The following MCUB variants were observed in gnomAD, a reference collection of about 807,000 sequenced individuals.
MCUB encodes calcium uniporter regulatory subunit MCUb, mitochondrial.
Under a neutral mutation model 41.4 loss-of-function variants are expected in MCUB, and 46 were observed. That is an observed-to-expected ratio of 1.11 (90% CI 0.88 to 1.42). MCUB has a LOEUF of 1.42. Ranked by LOEUF, MCUB falls within the 40% of genes most tolerant of loss-of-function variation. The pLI is 0.00. For synonymous variants in MCUB, 148 were observed against 148.2 expected, an observed-to-expected ratio of 1.00 and a Z score of 0.01; for missense variants, 403 against 404.9, an observed-to-expected ratio of 1.00 and a Z score of 0.04.
intron 1 of MCUB, among the ~76,000 whole-genome samples, chr4:109,639,935 G>A (rs1180185516): frequency 6.6e-6 from 1 of 152,188 alleles, no homozygotes; most frequent in Admixed American, 6.5e-5. Context: ...GAAGTCAGGT[G>A]TCACGTGCGT....
chr4:109,563,511 C>G (rs960011923), intron 1 of MCUB, among the ~76,000 whole-genome samples: 2 of 152,146 alleles, frequency 1.3e-5, no homozygotes, highest in Non-Finnish European at 2.9e-5. Context: ...CTTCAGAGCC[C>G]TCTCCTGAGG....
intron 1 of MCUB, among the ~76,000 whole-genome samples, chr4:109,562,064 A>G (rs1189212540): frequency 6.6e-6 from 1 of 152,028 alleles, no homozygotes; most frequent in African/African-American, 2.4e-5. Flanking sequence ...AGTGTTTTCT[A>G]TTAAGTCCAT....
At chr4:109,665,760 TA>T (rs1362098184) in intron 4 of MCUB, among the ~76,000 whole-genome samples, 4 of 152,104 alleles carry the variant, frequency 2.6e-5, no homozygotes, top group African/African-American at 9.7e-5. Context: ...AACCCACAAA[TA>T]AGAAGGGCTG....
intron 1 of MCUB, among the ~76,000 whole-genome samples, chr4:109,627,213 C>T (rs1186244820): frequency 1.3e-5 from 2 of 149,968 alleles, no homozygotes; most frequent in African/African-American, 2.5e-5. Context: ...CCTAATTCTT[C>T]ACTTTTTTTG....
chr4:109,685,843 G>A (rs1344412209), intron 7 of MCUB, among the ~76,000 whole-genome samples: 2 of 152,114 alleles, frequency 1.3e-5, no homozygotes, highest in African/African-American at 4.8e-5. Context: ...GTTTGATTTC[G>A]GAGTCTATAT....
At chr4:109,593,860 C>T (rs1727495038) in intron 1 of MCUB, among the ~76,000 whole-genome samples, 1 of 152,112 alleles carries the variant, frequency 6.6e-6, no homozygotes, top group Admixed American at 6.5e-5. Flanking sequence ...CAATTTCTCC[C>T]AGGCATCATA....
chr4:109,612,453 A>G (rs995785308), intron 1 of MCUB, among the ~76,000 whole-genome samples: 14 of 151,924 alleles, frequency 9.2e-5, no homozygotes, highest in Non-Finnish European at 2.1e-4. Flanking sequence ...TTTAGTAGAT[A>G]TGGGATTTCA....
At chr4:109,603,104 T>C (rs1468133266) in intron 1 of MCUB, among the ~76,000 whole-genome samples, 72 of 152,214 alleles carry the variant, frequency 4.7e-4, no homozygotes, top group Admixed American at 4.6e-3. Flanking sequence ...CATCTCCCTC[T>C]CCATAGTCTC....
chr4:109,685,138 CTCAT>C (rs752665630), intron 6 of MCUB, 109 bp from the exon 7 acceptor site: 235 of 607,492 alleles, frequency 3.9e-4, no homozygotes, highest in Admixed American at 5.7e-4. Flanking sequence ...AAATATTTCA[CTCAT>C]TCATCTGCCT....
At chr4:109,673,718 G>A (rs1221754039) in intron 4 of MCUB, 1 of 487,288 alleles carries the variant, frequency 2.1e-6, no homozygotes, top group Non-Finnish European at 3.6e-6. Context: ...TTTGGGGTAT[G>A]AAAATTAAGT....
intron 4 of MCUB, among the ~76,000 whole-genome samples, chr4:109,666,670 G>T (rs185655764): frequency 3.3e-5 from 5 of 152,194 alleles, no homozygotes; most frequent in Admixed American, 3.3e-4. Flanking sequence ...TTGTATGTTT[G>T]GGATAACGGT....
chr4:109,660,401 G>T, intron 3 of MCUB, 36 bp downstream of exon 3: 2 of 1,259,670 alleles, frequency 1.6e-6, no homozygotes, highest in South Asian at 1.5e-5. Flanking sequence ...TTTGTCCCAG[G>T]GTTTCTGTCT....
At chr4:109,581,263 C>G (rs370317550) in intron 1 of MCUB, among the ~76,000 whole-genome samples, 1 of 152,074 alleles carries the variant, frequency 6.6e-6, no homozygotes, top group East Asian at 1.9e-4. Flanking sequence ...ACAAACCTGA[C>G]AAAAACAAGC....
intron 4 of MCUB, chr4:109,674,081 G>A (rs1328562317): frequency 4.1e-6 from 6 of 1,452,988 alleles, no homozygotes; most frequent in Non-Finnish European, 4.8e-6. Context: ...GTTGGTATGG[G>A]CTATTCCATG....
chr4:109,563,836 C>G (rs763972277), intron 1 of MCUB, among the ~76,000 whole-genome samples: 4 of 152,194 alleles, frequency 2.6e-5, no homozygotes, highest in Non-Finnish European at 5.9e-5. Flanking sequence ...ATCCTCCTGC[C>G]TCAGCCTCCC....
At chr4:109,668,340 G>A (rs1181797168) in intron 4 of MCUB, among the ~76,000 whole-genome samples, 1 of 152,082 alleles carries the variant, frequency 6.6e-6, no homozygotes, top group East Asian at 1.9e-4. Flanking sequence ...TACACATTAA[G>A]CATTGTTCTG....
At chr4:109,670,444 G>A (rs1421146314) in intron 4 of MCUB, among the ~76,000 whole-genome samples, 4 of 152,148 alleles carry the variant, frequency 2.6e-5, no homozygotes, top group African/African-American at 9.7e-5. Context: ...TTGGCCAGGC[G>A]CAGTGGTTCA....
chr4:109,637,763 G>A (rs953257553), intron 1 of MCUB, among the ~76,000 whole-genome samples: 1 of 152,146 alleles, frequency 6.6e-6, no homozygotes, highest in Non-Finnish European at 1.5e-5. Context: ...TGGTGGGAGG[G>A]GGGTGAGGGA....
chr4:109,682,330 T>TC (rs1469062342), intron 4 of MCUB, among the ~76,000 whole-genome samples: 2 of 151,970 alleles, frequency 1.3e-5, no homozygotes, highest in Non-Finnish European at 2.9e-5. Flanking sequence ...GTGACTTTTT[T>TC]TTTTTTTACC....
Sources: allele counts gnomAD v4.1 joint callset (sites outside exome capture counted in the v4.1 genomes callset), GRCh38; gene constraint gnomAD v4.1.1; transcripts MANE v1.5; gene names NCBI Gene and HGNC (gene_info 2026-07-23, HGNC 2026-07-21).